MAP3K4: variants seen among roughly 807,000 people sequenced by gnomAD.
The protein encoded by MAP3K4 is mitogen-activated protein kinase kinase kinase 4, also known as MAP three kinase 1.
MAP3K4 carries 67 observed loss-of-function variants against 185.6 expected under a neutral mutation model. The observed-to-expected ratio is 0.36, with a 90% confidence interval of 0.30 to 0.44. The LOEUF (loss-of-function observed/expected upper bound fraction) is 0.44. Among genes scored for constraint, MAP3K4 ranks in the 20% least tolerant of loss-of-function variants. The pLI, the probability that MAP3K4 is intolerant of heterozygous loss-of-function variation, is 1.00. For synonymous variants in MAP3K4, 702 were observed against 710.4 expected (o/e 0.99, Z 0.19); for missense variants, 1,551 against 1,995.1 (o/e 0.78, Z 4.24).
rs1785797788 is a variant in MAP3K4, at chr6:161,087,618, GGT to G, written c.2557-69_2557-68del. On this transcript the variant is annotated intron_variant, in intron 9 of 26. Transcript: ENST00000392142. The surrounding 1 kb of genome is among the most constrained non-coding windows in gnomAD (Gnocchi z 4.9). The stretch of plus-strand genomic sequence containing the variant: ...TCCCAAACCTGCCTCTCCTTTCCTA[GGT>G]TTGTTTTAAATAACCTATTTCTCTA... 2.0e-6 allele frequency: 3 copies of G among 1,534,562 alleles called. No homozygotes were observed. In the African/African-American group the frequency reaches 4.1e-5, roughly 21 times the overall value.
At position 161,082,697 on chromosome 6, in the gene MAP3K4, T is replaced by G. The variant is rs1270541662; in HGVS notation, c.2255+1659T>G. ...CCTGCACACACTACCTCGACTCTTT[T>G]TGGGTGCCCTTTGAGGGTATATCCA... On this transcript the variant is annotated intron_variant, in intron 6 of 26. Transcript: ENST00000392142. This position sits in a 1 kb window ranked among gnomAD's most constrained non-coding sequence, Gnocchi z 4.2. 6.6e-6 allele frequency among the ~76,000 whole-genome samples: 1 copy of G among 152,156 alleles called. No homozygotes were observed. Among genetic ancestry groups the G allele is most frequent in the South Asian group, 2.1e-4 (1 of 4,826 alleles).
At position 161,026,292 on chromosome 6, in the gene MAP3K4, A is replaced by G. The variant is rs553250773; in HGVS notation, c.153-7967A>G. Among the ~76,000 whole-genome samples the G allele has an allele frequency of 9.5e-4, 90 of 94,708 alleles. 1 individual carries two copies. In the South Asian group the frequency reaches 0.014, roughly 15 times the overall value. The allele number at this position is 94,708 out of a possible 152,430, so 62.1% of individuals were successfully genotyped here. The stretch of plus-strand genomic sequence containing the variant: ...ATTACAGGTGCCCGCCACCACGCGC[A>G]GCTAATTTTTTTTTTTGTATGTTTA... On this transcript the variant is annotated intron_variant, in intron 1 of 26. Coordinates refer to ENST00000392142, the MANE Select transcript of MAP3K4 (RefSeq NM_005922.4).
chr6:161,030,211 C>T (rs964061483), intron 1 of MAP3K4, among the ~76,000 whole-genome samples: 2 of 152,070 alleles, frequency 1.3e-5, no homozygotes, highest in African/African-American at 2.4e-5. Flanking sequence ...CACTGGTACC[C>T]TGTTTTTTTA....
Position 161,086,057 on chromosome 6 carries a change from C to T in MAP3K4, c.2373-322C>T, listed in dbSNP as rs1785696290. The stretch of plus-strand genomic sequence containing the variant: ...TATAGATTTCTTTTTAGATTACGAG[C>T]CAGGAGTTAAGAACTTAACCTTAAA... On this transcript the variant is annotated intron_variant, in intron 7 of 26. Transcript: ENST00000392142. The surrounding 1 kb of genome is among the most constrained non-coding windows in gnomAD (Gnocchi z 4.8). 6.6e-6 allele frequency among the ~76,000 whole-genome samples: 1 copy of T among 152,006 alleles called. No individual in the cohort carries two copies. The highest frequency in any genetic ancestry group is 1.5e-5 in the Non-Finnish European group (1 of 67,998).
Position 161,091,332 on chromosome 6 carries a change from T to A in MAP3K4, c.2974-47T>A. 6.6e-7 allele frequency: 1 copy of A among 1,526,204 alleles called. No individual in the cohort carries two copies. Among genetic ancestry groups the A allele is most frequent in the Non-Finnish European group, 9.0e-7 (1 of 1,113,984 alleles). 94.5% of individuals were successfully genotyped at this position (1,526,204 alleles called of 1,614,324 possible). A position where few individuals can be genotyped will look rare whatever the true frequency, so the allele number is the denominator to read the frequency against. On this transcript the variant is annotated intron_variant, in intron 11 of 26. Transcript: ENST00000392142. The surrounding 1 kb of genome is among the most constrained non-coding windows in gnomAD (Gnocchi z 5.5). ...TCTTCCTTTAAAATGTGGTAAGTAT[T>A]GTATGATTTGCTTCATTTTGCATTA...
chr6:161,048,794 G>C lies in MAP3K4; in HGVS notation c.522G>C (p.Leu174Phe). 1 of 1,614,062 alleles carries C rather than the reference G, an allele frequency of 6.2e-7. No individual in the cohort carries two copies. The part of the protein sequence containing the change: ...SFMLDSVGGS[L>F]PKKSIPDVDL... ...TGTTAGACTCAGTGGGTGGATCTTTGCCAAAAAAATCAATTCCAGATGTGG... is the reference window on the plus strand; with the variant it reads ...TGTTAGACTCAGTGGGTGGATCTTTCCCAAAAAAATCAATTCCAGATGTGG... The change falls in exon 3 of 27, where the codon TTG (leucine) becomes TTC (phenylalanine). Residue 174 changes from leucine (L) to phenylalanine (F), a missense_variant. Leu to Phe is a conservative substitution (Grantham distance 22). Transcript: ENST00000392142. This position sits in a 1 kb window ranked among gnomAD's most constrained non-coding sequence, Gnocchi z 4.7.
At position 161,022,716 on chromosome 6, in the gene MAP3K4, AT is replaced by A. The variant is rs1782458430; in HGVS notation, c.153-11542del. ...TTCCCTACTCTGGGGCTCAGGAATT[AT>A]GCTAGTACCTGTAGGAATCCTTGGG... On this transcript the variant is annotated intron_variant, in intron 1 of 26. Coordinates refer to ENST00000392142, the MANE Select transcript of MAP3K4 (RefSeq NM_005922.4). The surrounding 1 kb of genome is among the most constrained non-coding windows in gnomAD (Gnocchi z 4.2). 6.6e-6 allele frequency among the ~76,000 whole-genome samples: 1 copy of A among 152,280 alleles called. No homozygotes were observed. The highest frequency in any genetic ancestry group is 1.9e-4 in the East Asian group (1 of 5,178).
intron 11 of MAP3K4, 136 bp downstream of exon 11, chr6:161,089,607 A>G (rs1384491372): frequency 3.8e-6 from 3 of 786,830 alleles, no homozygotes; most frequent in African/African-American, 1.8e-5. Flanking sequence ...TCTTCCCAAT[A>G]CATATTTTCT....
chr6:161,039,070 A>C (rs1333124282), intron 2 of MAP3K4, among the ~76,000 whole-genome samples: 1 of 152,144 alleles, frequency 6.6e-6, no homozygotes, highest in Admixed American at 6.5e-5. Flanking sequence ...GCGGTTGTGC[A>C]GTGTCACTTC....
chr6:161,081,108 C>A, intron 6 of MAP3K4, 70 bp downstream of exon 6: 2 of 1,501,618 alleles, frequency 1.3e-6, no homozygotes, highest in Non-Finnish European at 1.8e-6. Flanking sequence ...CTCACTGATT[C>A]TCTCCTATGT....
At chr6:161,004,589 A>G (rs1371175692) in intron 1 of MAP3K4, among the ~76,000 whole-genome samples, 1 of 152,234 alleles carries the variant, frequency 6.6e-6, no homozygotes, top group Non-Finnish European at 1.5e-5. Context: ...AATGATATTT[A>G]TGATTTGATT....
Position 161,112,680 on chromosome 6 carries a change from C to A in MAP3K4, c.4532C>A (p.Pro1511His). 1 of 1,592,518 alleles carries A rather than the reference C, an allele frequency of 6.3e-7. No homozygotes were observed. Among genetic ancestry groups the A allele is most frequent in the South Asian group, 1.1e-5 (1 of 87,136 alleles). ...STLGTAAYMA[P>H]EVITRAKGEG... is the part of the protein sequence containing the mutation. ...GTGACTTTTAAAGCATACATGGCAC[C>A]TGAAGTCATCACTCGTGCCAAAGGA... is the stretch of plus-strand genomic sequence containing the variant. The change falls in exon 25 of 27, where the codon CCT (proline) becomes CAT (histidine). Residue 1511 changes from proline (P) to histidine (H), a missense_variant. Physicochemically the swap from Pro to His is moderately conservative, Grantham distance 77. Around this residue, in one of 16 missense-constraint regions of MAP3K4, gnomAD observed 159 missense variants for 300.5 expected, o/e 0.53. Coordinates refer to ENST00000392142, the MANE Select transcript of MAP3K4 (RefSeq NM_005922.4). The surrounding 1 kb of genome is among the most constrained non-coding windows in gnomAD (Gnocchi z 5.1).
chr6:161,020,929 T>C lies in MAP3K4; in HGVS notation c.153-13330T>C, dbSNP rs531924142. ...CCCACATTTCCAGTAAATTCCACATTGACCTTATGTGTTCAACCACAATTA... is the reference window on the plus strand; with the variant it reads ...CCCACATTTCCAGTAAATTCCACATCGACCTTATGTGTTCAACCACAATTA... On this transcript the variant is annotated intron_variant, in intron 1 of 26. Transcript: ENST00000392142. Among the ~76,000 whole-genome samples, 32 of 152,334 alleles carry C rather than the reference T, an allele frequency of 2.1e-4. No homozygotes were observed. The South Asian group carries it at 6.6e-3, about 32-fold the overall frequency.
chr6:161,091,261 G>C lies in MAP3K4; in HGVS notation c.2974-118G>C, dbSNP rs1777291635. 1.5e-6 allele frequency: 1 copy of C among 681,984 alleles called. No individual in the cohort carries two copies. Among genetic ancestry groups the C allele is most frequent in the Non-Finnish European group, 2.3e-6 (1 of 425,898 alleles). 42.2% of individuals were successfully genotyped at this position (681,984 alleles called of 1,614,324 possible). The stretch of plus-strand genomic sequence containing the variant: ...TATTTGGTAATTCCTTTACCAAGTG[G>C]CTGAATTGTTTGTAGTGGTTAATGT... On this transcript the variant is annotated intron_variant, in intron 11 of 26. Coordinates refer to ENST00000392142, the MANE Select transcript of MAP3K4 (RefSeq NM_005922.4). This position sits in a 1 kb window ranked among gnomAD's most constrained non-coding sequence, Gnocchi z 5.5.
In MAP3K4 at chr6:161,087,999, T is replaced by G; in HGVS notation, c.2823+45T>G. ...TTGCAGCAGTGTTACTTCAAGGACT[T>G]TTAGTAAGAATGAACTGTTAGCTGC... On this transcript the variant is annotated intron_variant, in intron 10 of 26. Coordinates refer to ENST00000392142, the MANE Select transcript of MAP3K4 (RefSeq NM_005922.4). The surrounding 1 kb of genome is among the most constrained non-coding windows in gnomAD (Gnocchi z 4.9). 6.4e-7 allele frequency: 1 copy of G among 1,569,768 alleles called. No individual in the cohort carries two copies. Among genetic ancestry groups the G allele is most frequent in the Non-Finnish European group, 8.6e-7 (1 of 1,161,374 alleles).
intron 1 of MAP3K4, among the ~76,000 whole-genome samples, chr6:161,028,731 T>TG (rs1441857951): frequency 6.6e-6 from 1 of 152,146 alleles, no homozygotes; most frequent in Admixed American, 6.5e-5. Context: ...ATGTCTATCT[T>TG]GAAAAATAAG....
Position 161,071,700 on chromosome 6 carries a change from C to A in MAP3K4, c.1950+850C>A, listed in dbSNP as rs1166032895. Among the ~76,000 whole-genome samples the A allele has an allele frequency of 6.6e-6, 1 of 152,016 alleles. No individual in the cohort carries two copies. Among genetic ancestry groups the A allele is most frequent in the Non-Finnish European group, 1.5e-5 (1 of 68,004 alleles). ...TAATGAAAGTCATTTGGAGATTGTC[C>A]CCTGCATCTCATTTCCATCCCTTTG... On this transcript the variant is annotated intron_variant, in intron 4 of 26. Transcript: ENST00000392142. The surrounding 1 kb of genome is among the most constrained non-coding windows in gnomAD (Gnocchi z 4.6).
Position 161,115,342 on chromosome 6 carries a change from G to GT in MAP3K4, c.4806+43dup, listed in dbSNP as rs780184052. The GT allele has an allele frequency of 5.2e-6, 8 of 1,549,832 alleles. No homozygotes were observed. In the African/African-American group the frequency reaches 9.6e-5, roughly 19 times the overall value. On this transcript the variant is annotated intron_variant, in intron 26 of 26. Transcript: ENST00000392142. The surrounding 1 kb of genome is among the most constrained non-coding windows in gnomAD (Gnocchi z 6.0). ...TGGATAGTCTTTTTCATGTTTAAGT[G>GT]TTTAAGTTCTGTTTTGCATCAAGAC... is the stretch of plus-strand genomic sequence containing the variant.
At chr6:161,012,233 G>A (rs2115082234) in intron 1 of MAP3K4, among the ~76,000 whole-genome samples, 1 of 152,232 alleles carries the variant, frequency 6.6e-6, no homozygotes, top group South Asian at 2.1e-4. Flanking sequence ...CATCTTCCTA[G>A]TTGTTGAACA....
Sources: gnomAD v4.1 joint callset for allele counts (sites outside exome capture counted in the v4.1 genomes callset) on GRCh38, gnomAD v4.1.1 for gene constraint, gnomAD v4.1.1 regional missense constraint, Gnocchi (gnomAD v3.1) non-coding constraint, MANE v1.5 for transcripts, NCBI Gene and HGNC (gene_info 2026-07-23, HGNC 2026-07-21) for gene names.